The following MYO1D variants were observed in gnomAD, a reference collection of about 807,000 sequenced individuals.
MYO1D encodes myosin ID.
Under a neutral mutation model 122.0 loss-of-function variants are expected in MYO1D, and 83 were observed. The ratio of observed to expected loss-of-function variants is 0.68; its 90% CI spans 0.57 to 0.82. The LOEUF (loss-of-function observed/expected upper bound fraction) is 0.82, where lower values mean the gene tolerates loss of function less well. MYO1D is among the 40% of genes least tolerant of loss of function. The pLI, the probability that MYO1D is intolerant of heterozygous loss-of-function variation, is 0.00. For synonymous variants in MYO1D, 464 were observed against 446.9 expected, an observed-to-expected ratio of 1.04 and a Z score of -0.48; for missense variants, 1,157 against 1,269.5, an observed-to-expected ratio of 0.91 and a Z score of 1.35.
intron 21 of MYO1D, 77 bp downstream of exon 21, chr17:32,605,010 A>G: frequency 7.3e-7 from 1 of 1,375,680 alleles, no homozygotes; most frequent in East Asian, 2.4e-5. Flanking sequence ...AATTGGCACA[A>G]AACAAGCTCA....
At chr17:32,781,161 G>C (rs558862873) in intron 1 of MYO1D, among the ~76,000 whole-genome samples, 1 of 152,280 alleles carries the variant, frequency 6.6e-6, no homozygotes, top group East Asian at 1.9e-4. Context: ...CACTTAGTCA[G>C]ATTTTCAATT....
chr17:32,793,645 C>T (rs370146109), intron 1 of MYO1D, among the ~76,000 whole-genome samples: 8 of 152,300 alleles, frequency 5.3e-5, no homozygotes, highest in African/African-American at 1.9e-4. Context: ...GAATTAACAA[C>T]TTGGAAGACA....
chr17:32,555,730 T>G (rs1358862978), intron 21 of MYO1D, among the ~76,000 whole-genome samples: 3 of 152,164 alleles, frequency 2.0e-5, no homozygotes, highest in Non-Finnish European at 2.9e-5. Context: ...TTGCCCACAA[T>G]AGCCACACCC....
At position 32,681,032 on chromosome 17, in the gene MYO1D, T is replaced by C. The variant is rs547050087; in HGVS notation, c.2122-21694A>G. Reference sequence around the variant, plus strand: ...CATTTCTTCTAGATTTTCTAGTTTATTTGTGTAGAGGTGTTTGTAGTATTC... The same window carrying C: ...CATTTCTTCTAGATTTTCTAGTTTACTTGTGTAGAGGTGTTTGTAGTATTC... On this transcript the variant is annotated intron_variant, in intron 16 of 21. Transcript: ENST00000318217. Among the ~76,000 whole-genome samples the C allele has an allele frequency of 5.3e-5, 8 of 152,342 alleles. No individual in the cohort carries two copies. The East Asian group carries it at 1.3e-3, about 26-fold the overall frequency.
intron 17 of MYO1D, among the ~76,000 whole-genome samples, chr17:32,657,459 T>C (rs935797573): frequency 6.6e-6 from 1 of 152,234 alleles, no homozygotes; most frequent in Admixed American, 6.5e-5. Context: ...ACAGAGACCA[T>C]CTGTAGCCTA....
chr17:32,874,590 A>T (rs2091213047), intron 1 of MYO1D, among the ~76,000 whole-genome samples: 1 of 152,138 alleles, frequency 6.6e-6, no homozygotes, highest in Admixed American at 6.5e-5. Flanking sequence ...GGATACTCCT[A>T]GCTTATCTCC....
At chr17:32,610,454 G>A (rs1382470595) in intron 20 of MYO1D, among the ~76,000 whole-genome samples, 5 of 152,278 alleles carry the variant, frequency 3.3e-5, no homozygotes, top group South Asian at 2.1e-4. Flanking sequence ...CACCCAGAAC[G>A]TCCCCTTTAG....
At chr17:32,814,336 C>G (rs554681079) in intron 1 of MYO1D, among the ~76,000 whole-genome samples, 3 of 152,312 alleles carry the variant, frequency 2.0e-5, no homozygotes, top group African/African-American at 7.2e-5. Context: ...GAGCAAGACT[C>G]CGTCTCAAGA....
chr17:32,849,072 C>G (rs1412186127), intron 1 of MYO1D, among the ~76,000 whole-genome samples: 1 of 152,094 alleles, frequency 6.6e-6, no homozygotes, highest in Admixed American at 6.6e-5. Context: ...AAATGCTCAT[C>G]ATCACTGGCC....
Position 32,755,514 on chromosome 17 carries a change from T to C in MYO1D, c.1445A>G (p.His482Arg). 3 of 1,613,840 alleles carry C rather than the reference T, an allele frequency of 1.9e-6. No individual in the cohort carries two copies. The highest frequency in any genetic ancestry group is 2.5e-6 in the Non-Finnish European group (3 of 1,179,792). ...LEALNSKLGK[H>R]AHFSSRKLCA... is the part of the protein sequence containing the mutation. ...TACCTTTCGGCTGGAAAAATGGGCG[T>C]GTTTGCCCAATTTACTGTTAAGTGC... Residue 482 changes from histidine to arginine, a missense_variant, in exon 11 of 22, where the codon CAC (histidine) becomes CGC (arginine). By Grantham distance (29) the His-to-Arg change is conservative. Transcript: ENST00000318217.
chr17:32,712,442 C>T (rs2089390343), intron 15 of MYO1D, among the ~76,000 whole-genome samples: 1 of 152,134 alleles, frequency 6.6e-6, no homozygotes, highest in South Asian at 2.1e-4. Context: ...TTGCCAAAAT[C>T]CTACGGCAAA....
At chr17:32,650,305 T>C (rs2088371449) in intron 19 of MYO1D, among the ~76,000 whole-genome samples, 1 of 152,234 alleles carries the variant, frequency 6.6e-6, no homozygotes, top group South Asian at 2.1e-4. Flanking sequence ...ATACTTTCTT[T>C]GTTCCTTCGT....
intron 20 of MYO1D, among the ~76,000 whole-genome samples, chr17:32,629,733 G>GAAAA (rs35731553): frequency 7.8e-6 from 1 of 127,618 alleles, no homozygotes; most frequent in African/African-American, 2.8e-5. Flanking sequence ...TTCATCTCAA[G>GAAAA]AAAAAAAAAA....
At chr17:32,682,575 T>C (rs574645656) in intron 16 of MYO1D, among the ~76,000 whole-genome samples, 5 of 150,250 alleles carry the variant, frequency 3.3e-5, no homozygotes, top group South Asian at 2.1e-4. Context: ...TGTTGAATAT[T>C]GGCCCCCACT....
intron 21 of MYO1D, among the ~76,000 whole-genome samples, chr17:32,569,278 T>C (rs1330264767): frequency 6.6e-6 from 1 of 152,240 alleles, no homozygotes; most frequent in Non-Finnish European, 1.5e-5. Context: ...TTCACTTCCA[T>C]TGTTAATTGG....
chr17:32,640,393 T>C lies in MYO1D; in HGVS notation c.2596-1558A>G, dbSNP rs2088179271. 4.6e-5 allele frequency among the ~76,000 whole-genome samples: 7 copies of C among 151,432 alleles called. No homozygotes were observed. In the South Asian group the frequency reaches 1.5e-3, roughly 32 times the overall value. On this transcript the variant is annotated intron_variant, in intron 19 of 21. Coordinates refer to ENST00000318217, the MANE Select transcript of MYO1D (RefSeq NM_015194.3). ...ACAATGTGCAGGTTAGTTACATATG[T>C]ATACATGTGCCATGCTGGTGCGCTG...
In MYO1D at chr17:32,508,326, G is replaced by A. The variant is rs139001282; in HGVS notation, c.2865-13411C>T. Among the ~76,000 whole-genome samples, 922 of 152,092 alleles carry A rather than the reference G, an allele frequency of 6.1e-3. 9 individuals carry two copies. The highest frequency in any genetic ancestry group is 0.021 in the African/African-American group (890 of 41,470). ...GTCTTGCTCTGTCACCCAGGCTGGA[G>A]TACAGTGGTGCCATCTCTGCTTACT... On this transcript the variant is annotated intron_variant, in intron 21 of 21. Coordinates refer to ENST00000318217, the MANE Select transcript of MYO1D (RefSeq NM_015194.3).
chr17:32,608,953 G>A (rs1485753584), intron 20 of MYO1D, among the ~76,000 whole-genome samples: 1 of 152,216 alleles, frequency 6.6e-6, no homozygotes, highest in Non-Finnish European at 1.5e-5. Flanking sequence ...TTCTCTAGAA[G>A]ATAAAAGGAT....
intron 1 of MYO1D, among the ~76,000 whole-genome samples, chr17:32,792,302 A>T (rs1398059907): frequency 1.3e-5 from 2 of 152,232 alleles, no homozygotes; most frequent in Admixed American, 6.5e-5. Context: ...ACTTCTGCTT[A>T]TAATGTATGA....
Sources: gnomAD v4.1 joint callset for allele counts (sites outside exome capture counted in the v4.1 genomes callset) on GRCh38, gnomAD v4.1.1 for gene constraint, MANE v1.5 for transcripts, NCBI Gene and HGNC (gene_info 2026-07-23, HGNC 2026-07-21) for gene names.